The following TOX variants were observed in gnomAD, a reference collection of about 807,000 sequenced individuals.
The protein encoded by TOX is thymocyte selection associated high mobility group box.
Under a neutral mutation model 53.7 loss-of-function variants are expected in TOX, and 11 were observed. The observed-to-expected ratio is 0.20, with a 90% CI of 0.13 to 0.34. The LOEUF (loss-of-function observed/expected upper bound fraction) is 0.34, where lower values mean the gene tolerates loss of function less well. TOX is among the 10% of genes least tolerant of loss of function. The pLI is 1.00. For missense variants in TOX, 570 were observed against 664.6 expected (o/e 0.86, Z 1.56); for synonymous variants, 225 against 245.3 (o/e 0.92, Z 0.77).
At position 58,956,372 on chromosome 8, in the gene TOX, A is replaced by G. The variant is rs552443877; in HGVS notation, c.168+3571T>C. 1.4e-4 allele frequency among the ~76,000 whole-genome samples: 22 copies of G among 152,278 alleles called. 1 individual carries two copies. The South Asian group carries it at 1.9e-3, about 13-fold the overall frequency. ...AGTCAGGGCTGAGGTGGGAAGCCCA[A>G]TGCCCCTCTGTTTTGTTCTGCCTGC... On this transcript the variant is annotated intron_variant, in intron 2 of 8. Coordinates refer to ENST00000361421, the MANE Select transcript of TOX (RefSeq NM_014729.3).
rs113843317 is a variant in TOX at position 58,969,429 on chromosome 8, A to G, written c.103-9421T>C. The stretch of plus-strand genomic sequence containing the variant: ...AATCTGAGAAGTCTTTCAATCCATC[A>G]TCATATCCGGAGTATAATGTTTTAT... On this transcript the variant is annotated intron_variant, in intron 1 of 8. Transcript: ENST00000361421. Among the ~76,000 whole-genome samples, 891 of 152,312 alleles carry G rather than the reference A, an allele frequency of 5.8e-3. 4 individuals carry two copies. Among genetic ancestry groups the G allele is most frequent in the African/African-American group, 0.02 (848 of 41,570 alleles).
intron 1 of TOX, among the ~76,000 whole-genome samples, chr8:59,078,272 C>T (rs1432391340): frequency 6.6e-6 from 1 of 152,132 alleles, no homozygotes; most frequent in Non-Finnish European, 1.5e-5. Context: ...GAGCCTGGGA[C>T]AGCATCGAGG....
intron 1 of TOX, among the ~76,000 whole-genome samples, chr8:58,979,845 A>G (rs965367635): frequency 6.6e-6 from 1 of 152,202 alleles, no homozygotes; most frequent in Admixed American, 6.5e-5. Context: ...TGGGGAGACA[A>G]TAGTGCCTAT....
chr8:58,841,114 G>A (rs1337452848), intron 4 of TOX, among the ~76,000 whole-genome samples: 2 of 152,220 alleles, frequency 1.3e-5, no homozygotes, highest in African/African-American at 4.8e-5. Flanking sequence ...TGGTGGTCAA[G>A]TTCATGTTTC....
intron 1 of TOX, among the ~76,000 whole-genome samples, chr8:59,064,866 T>A (rs770266904): frequency 4.2e-4 from 64 of 152,176 alleles, no homozygotes; most frequent in Non-Finnish European, 7.1e-4. Context: ...GTATAATTTT[T>A]AAAAATGAAA....
chr8:58,832,993 G>T (rs922250678), intron 5 of TOX, among the ~76,000 whole-genome samples: 1 of 152,080 alleles, frequency 6.6e-6, no homozygotes, highest in Non-Finnish European at 1.5e-5. Context: ...TGGATCTCTA[G>T]GTAAATCCAC....
At chr8:58,838,373 C>T (rs72649459) in intron 4 of TOX, 62 bp from the exon 5 acceptor site, 128,483 of 1,397,836 alleles carry the variant, frequency 0.092, 6,817 homozygotes, top group Middle Eastern at 0.14. Flanking sequence ...CAAGACATAT[C>T]GTTGTTTTCC....
intron 3 of TOX, among the ~76,000 whole-genome samples, chr8:58,861,486 T>C (rs1034798055): frequency 4.6e-5 from 7 of 152,206 alleles, no homozygotes; most frequent in African/African-American, 1.4e-4. Context: ...TATGATTTTA[T>C]ATTAAAAGTG....
intron 3 of TOX, among the ~76,000 whole-genome samples, chr8:58,936,795 G>T (rs1009863250): frequency 2.0e-5 from 3 of 152,124 alleles, no homozygotes. Context: ...TGGAAAAATT[G>T]GGCTTAATAT....
intron 1 of TOX, among the ~76,000 whole-genome samples, chr8:58,981,014 T>C (rs139652844): frequency 6.6e-6 from 1 of 152,340 alleles, no homozygotes; most frequent in East Asian, 1.9e-4. Flanking sequence ...TCTCTGTTTA[T>C]TGCCTTTCCT....
At chr8:59,101,630 A>G (rs1272684264) in intron 1 of TOX, among the ~76,000 whole-genome samples, 1 of 152,266 alleles carries the variant, frequency 6.6e-6, no homozygotes, top group Non-Finnish European at 1.5e-5. Flanking sequence ...GCAAAATCTA[A>G]AACGCTTATT....
At chr8:58,968,016 C>T (rs542645851) in intron 1 of TOX, among the ~76,000 whole-genome samples, 144 of 152,208 alleles carry the variant, frequency 9.5e-4, no homozygotes, top group African/African-American at 3.3e-3. Flanking sequence ...TATGCAAAGA[C>T]AGAAACAAAC....
At chr8:58,941,812 G>T (rs557420298) in intron 2 of TOX, among the ~76,000 whole-genome samples, 94 of 152,188 alleles carry the variant, frequency 6.2e-4, no homozygotes, top group Non-Finnish European at 1.1e-3. Flanking sequence ...TAGCATTTTG[G>T]GAGGCTGAGG....
intron 2 of TOX, among the ~76,000 whole-genome samples, chr8:58,956,911 C>G (rs1403477671): frequency 6.6e-6 from 1 of 152,210 alleles, no homozygotes; most frequent in African/African-American, 2.4e-5. Context: ...CCACGCCCAG[C>G]CCTAAATACT....
intron 4 of TOX, among the ~76,000 whole-genome samples, chr8:58,847,143 G>T (rs80218322): frequency 0.024 from 3,726 of 152,082 alleles, 62 homozygotes; most frequent in Non-Finnish European, 0.036. Context: ...AGCTCTAAAA[G>T]AATTCTTACA....
intron 1 of TOX, among the ~76,000 whole-genome samples, chr8:59,023,835 T>C (rs1326150259): frequency 6.6e-6 from 1 of 152,136 alleles, no homozygotes; most frequent in Non-Finnish European, 1.5e-5. Flanking sequence ...TAGTCATCTG[T>C]TGGTCACAAA....
intron 1 of TOX, among the ~76,000 whole-genome samples, chr8:59,103,336 T>C (rs1415855015): frequency 2.0e-5 from 3 of 152,202 alleles, no homozygotes; most frequent in South Asian, 2.1e-4. Flanking sequence ...CTCAACTCTA[T>C]TTTTTAATAA....
chr8:59,066,082 G>A (rs1804088739), intron 1 of TOX, among the ~76,000 whole-genome samples: 1 of 152,202 alleles, frequency 6.6e-6, no homozygotes, highest in African/African-American at 2.4e-5. Context: ...AATGAGGGAG[G>A]AAAGTATACC....
chr8:58,857,117 T>C (rs1810930195), intron 3 of TOX, among the ~76,000 whole-genome samples: 1 of 152,206 alleles, frequency 6.6e-6, no homozygotes, highest in Non-Finnish European at 1.5e-5. Flanking sequence ...TACATATTTC[T>C]TGAGTTAACA....
Sources: gnomAD v4.1 joint callset for allele counts (sites outside exome capture counted in the v4.1 genomes callset) on GRCh38, gnomAD v4.1.1 for gene constraint, MANE v1.5 for transcripts, NCBI Gene and HGNC (gene_info 2026-07-23, HGNC 2026-07-21) for gene names.